EZH2: variants seen among roughly 807,000 people sequenced by gnomAD.
The protein encoded by EZH2 is enhancer of zeste 2 polycomb repressive complex 2 subunit, also known as histone-lysine N-methyltransferase EZH2.
Under a neutral mutation model 98.4 loss-of-function variants are expected in EZH2, and 18 were observed. The observed-to-expected ratio is 0.18, with a 90% CI of 0.13 to 0.27. The LOEUF (loss-of-function observed/expected upper bound fraction) is 0.27. Ranked by LOEUF, EZH2 falls within the 10% of genes least tolerant of loss-of-function variation. The pLI, the probability that EZH2 is intolerant of heterozygous loss-of-function variation, is 1.00. For missense variants in EZH2, 470 were observed against 935.1 expected (o/e 0.50, Z 6.49); for synonymous variants, 338 against 312.3 (o/e 1.08, Z -0.87).
intron 1 of EZH2, among the ~76,000 whole-genome samples, chr7:148,848,144 C>G (rs1435205794): frequency 6.6e-6 from 1 of 152,162 alleles, no homozygotes; most frequent in East Asian, 1.9e-4. Flanking sequence ...AGGACATTCT[C>G]TGTCAGGCTA....
intron 1 of EZH2, among the ~76,000 whole-genome samples, chr7:148,852,589 C>G (rs2129486648): frequency 6.6e-6 from 1 of 152,320 alleles, no homozygotes; most frequent in East Asian, 1.9e-4. Flanking sequence ...AATGCTCACT[C>G]TTCTCCCCTT....
chr7:148,844,460 T>A (rs573243166), intron 3 of EZH2, among the ~76,000 whole-genome samples: 1 of 152,174 alleles, frequency 6.6e-6, no homozygotes, highest in Non-Finnish European at 1.5e-5. Context: ...CAGGATCAGC[T>A]ACCAACACCA....
At position 148,848,206 on chromosome 7, in the gene EZH2, T is replaced by G. The variant is rs533584485; in HGVS notation, c.-7-901A>C. ...AATTTGTGCTTTATCTTAAGAACAA[T>G]GAGAAGCCACTTTTAGTGTTTTAAG... is the stretch of plus-strand genomic sequence containing the variant. On this transcript the variant is annotated intron_variant, in intron 1 of 19. Coordinates refer to ENST00000320356, the MANE Select transcript of EZH2 (RefSeq NM_004456.5). Among the ~76,000 whole-genome samples, 6 of 152,278 alleles carry G rather than the reference T, an allele frequency of 3.9e-5. No individual in the cohort carries two copies. In the East Asian group the frequency reaches 1.2e-3, roughly 29 times the overall value.
At chr7:148,879,076 T>A (rs1189939789) in intron 1 of EZH2, among the ~76,000 whole-genome samples, 2 of 149,110 alleles carry the variant, frequency 1.3e-5, no homozygotes, top group African/African-American at 5.0e-5. Flanking sequence ...AATACAAAAA[T>A]TAGCCAGGTG....
At chr7:148,868,512 C>T (rs568131604) in intron 1 of EZH2, among the ~76,000 whole-genome samples, 1 of 152,250 alleles carries the variant, frequency 6.6e-6, no homozygotes, top group South Asian at 2.1e-4. Flanking sequence ...AAGTCTGCCC[C>T]CATGATTCAA....
At chr7:148,835,730 C>T (rs946794397) in intron 3 of EZH2, among the ~76,000 whole-genome samples, 8 of 152,080 alleles carry the variant, frequency 5.3e-5, no homozygotes, top group African/African-American at 1.4e-4. Context: ...GCTTTGAAAG[C>T]TTAATGGGGA....
chr7:148,854,214 GAT>G (rs1816390923), intron 1 of EZH2, among the ~76,000 whole-genome samples: 6 of 152,178 alleles, frequency 3.9e-5, no homozygotes, highest in Admixed American at 2.0e-4. Context: ...GGGAGGCCAA[GAT>G]GGGCAGATCA....
chr7:148,814,025 G>A lies in EZH2; in HGVS notation c.1785C>T (p.Ala595=), dbSNP rs369883286. Residue 595 remains alanine, a synonymous_variant, in exon 15 of 20, where the codon GCC becomes GCT. Coordinates refer to ENST00000320356, the MANE Select transcript of EZH2 (RefSeq NM_004456.5). ...CATTTTTACTGTCCCAATGGTCAGC[G>A]GCTCCACAAGTAAGACAGAGGTCAG... is the stretch of plus-strand genomic sequence containing the variant. ...CDPDLCLTCG[A]ADHWDSKNVS... is the part of the protein sequence containing the mutation. 27 of 1,614,014 alleles carry A rather than the reference G, an allele frequency of 1.7e-5. No homozygotes were observed. Among genetic ancestry groups the A allele is most frequent in the African/African-American group, 6.7e-5 (5 of 74,912 alleles).
At chr7:148,845,133 C>T (rs1374599098) in intron 3 of EZH2, among the ~76,000 whole-genome samples, 1 of 152,146 alleles carries the variant, frequency 6.6e-6, no homozygotes, top group Non-Finnish European at 1.5e-5. Flanking sequence ...ATAAGTTTTC[C>T]ATGTGAATCT....
At chr7:148,850,555 C>T (rs1205077860) in intron 1 of EZH2, 1 of 414,028 alleles carries the variant, frequency 2.4e-6, no homozygotes, top group Non-Finnish European at 3.2e-6. Flanking sequence ...TTTAAAGTAC[C>T]AATTAAAAGG....
chr7:148,880,914 T>C (rs1048417553), intron 1 of EZH2, among the ~76,000 whole-genome samples: 1 of 152,182 alleles, frequency 6.6e-6, no homozygotes, highest in Non-Finnish European at 1.5e-5. Flanking sequence ...GTGATTACAA[T>C]ACAATTGAGT....
chr7:148,835,160 G>A (rs1307940894), intron 3 of EZH2, among the ~76,000 whole-genome samples: 2 of 152,102 alleles, frequency 1.3e-5, no homozygotes, highest in Admixed American at 6.5e-5. Context: ...TGGCTCAAGC[G>A]TATAATCTCA....
chr7:148,828,765 C>G lies in EZH2; in HGVS notation c.600G>C (p.Gln200His). 1 of 1,613,564 alleles carries G rather than the reference C, an allele frequency of 6.2e-7. No homozygotes were observed. The highest frequency in any genetic ancestry group is 8.5e-7 in the Non-Finnish European group (1 of 1,179,890). ...CATCTCGGTGATCCTCCAGATCTTT[C>G]TGCTTTTCTTCTCTTTCTTCAGGAT... ...GDDPEEREEK[Q>H]KDLEDHRDDK... The change falls in exon 6 of 20, where the codon CAG becomes CAC. Residue 200 changes from glutamine to histidine, a missense_variant. Gln to His is a conservative substitution (Grantham distance 24, BLOSUM62 0). This residue lies in a region of EZH2 where 69 missense variants were observed against 78.3 expected (regional missense o/e 0.88). Coordinates refer to ENST00000320356, the MANE Select transcript of EZH2 (RefSeq NM_004456.5).
chr7:148,818,162 C>G (rs1344268974), intron 9 of EZH2, 45 bp from the exon 10 acceptor site: 1 of 1,499,888 alleles, frequency 6.7e-7, no homozygotes, highest in Non-Finnish European at 8.9e-7. Flanking sequence ...TTCTAAAACT[C>G]ATTTTGATGG....
At chr7:148,846,793 A>G (rs1290964901) in intron 2 of EZH2, among the ~76,000 whole-genome samples, 195 bp from the exon 3 acceptor site, 1 of 150,534 alleles carries the variant, frequency 6.6e-6, no homozygotes, top group Non-Finnish European at 1.5e-5. Context: ...ATTTTATTGC[A>G]AGTGGTTAGA....
intron 1 of EZH2, among the ~76,000 whole-genome samples, chr7:148,863,732 G>A (rs549618713): frequency 1.3e-5 from 2 of 152,308 alleles, no homozygotes; most frequent in South Asian, 2.1e-4. Flanking sequence ...GACTCAAATA[G>A]TCCACTCAAC....
chr7:148,815,255 A>G (rs1168481441), intron 13 of EZH2, among the ~76,000 whole-genome samples: 2 of 152,188 alleles, frequency 1.3e-5, no homozygotes, highest in African/African-American at 4.8e-5. Flanking sequence ...AAGCACGGCT[A>G]CATCTCAGTC....
intron 1 of EZH2, among the ~76,000 whole-genome samples, chr7:148,877,371 A>G (rs2129494369): frequency 6.6e-6 from 1 of 152,330 alleles, no homozygotes; most frequent in East Asian, 1.9e-4. Flanking sequence ...TACCAGTCCT[A>G]AGCACGTAAT....
chr7:148,815,349 G>T (rs1804261966), intron 13 of EZH2, among the ~76,000 whole-genome samples, 157 bp downstream of exon 13: 2 of 152,180 alleles, frequency 1.3e-5, no homozygotes, highest in South Asian at 2.1e-4. Flanking sequence ...ATTGACTGGG[G>T]ATTCATCAGT....
Sources: gnomAD v4.1 joint callset for allele counts (sites outside exome capture counted in the v4.1 genomes callset) on GRCh38, gnomAD v4.1.1 for gene constraint, gnomAD v4.1.1 regional missense constraint, MANE v1.5 for transcripts, NCBI Gene and HGNC (gene_info 2026-07-23, HGNC 2026-07-21) for gene names.